ADAM12: variants seen among roughly 807,000 people sequenced by gnomAD.
ADAM12 encodes disintegrin and metalloproteinase domain-containing protein 12.
A neutral mutation model predicts 106.4 loss-of-function variants in ADAM12; 70 were observed. The ratio of observed to expected loss-of-function variants is 0.66; its 90% confidence interval spans 0.54 to 0.80. The LOEUF (loss-of-function observed/expected upper bound fraction) is 0.80, where lower values mean the gene tolerates loss of function less well. ADAM12 is among the 30% of genes least tolerant of loss of function. ADAM12 has a pLI of 0.00. For missense variants in ADAM12, 1,010 were observed against 1,171.9 expected (o/e 0.86, Z 2.02); for synonymous variants, 420 against 433.5 (o/e 0.97, Z 0.39).
chr10:126,142,747 T>C (rs556561899), intron 4 of ADAM12, among the ~76,000 whole-genome samples: 3 of 152,296 alleles, frequency 2.0e-5, no homozygotes, highest in African/African-American at 7.2e-5. Flanking sequence ...GTGTCACTCA[T>C]GGCATCATAA....
chr10:126,070,469 A>G (rs1447234003), intron 12 of ADAM12: 1 of 152,220 alleles, frequency 6.6e-6, no homozygotes, highest in Non-Finnish European at 1.5e-5. Context: ...GAAGATGGGG[A>G]TATGATGAAC....
intron 8 of ADAM12, among the ~76,000 whole-genome samples, chr10:126,103,332 C>G (rs753621473): frequency 6.6e-6 from 1 of 152,148 alleles, no homozygotes; most frequent in East Asian, 1.9e-4. Context: ...GCTGCCTGCT[C>G]TAAAAGTTCT....
At chr10:126,194,176 T>C (rs1206234565) in intron 3 of ADAM12, among the ~76,000 whole-genome samples, 1 of 151,016 alleles carries the variant, frequency 6.6e-6, no homozygotes, top group African/African-American at 2.4e-5. Context: ...TGTAAGTAAA[T>C]GTTAAATCAA....
rs1306746079 is a variant in ADAM12 at position 126,295,063 on chromosome 10, T to A, written c.187-16075A>T. On this transcript the variant is annotated intron_variant, in intron 2 of 22. Coordinates refer to ENST00000448723, the MANE Select transcript of ADAM12 (RefSeq NM_001288973.2). ...TTGCTAATTTTTTACAAATGGAAAA[T>A]CCAGGCTCAGTGGAAAATAAAAGGA... Among the ~76,000 whole-genome samples the A allele has an allele frequency of 2.6e-5, 4 of 152,050 alleles. No homozygotes were observed. The East Asian group carries it at 5.8e-4, about 22-fold the overall frequency.
At chr10:126,026,801 C>T (rs1339011694) in intron 21 of ADAM12, among the ~76,000 whole-genome samples, 1 of 152,030 alleles carries the variant, frequency 6.6e-6, no homozygotes, top group African/African-American at 2.4e-5. Flanking sequence ...ACTAAATGCC[C>T]ACATCAAAAA....
intron 3 of ADAM12, among the ~76,000 whole-genome samples, chr10:126,267,677 T>C (rs1959125910): frequency 6.6e-6 from 1 of 152,140 alleles, no homozygotes; most frequent in African/African-American, 2.4e-5. Flanking sequence ...GAAGCTTCAC[T>C]CACTCATCAG....
chr10:126,089,043 C>T (rs1554967281), intron 11 of ADAM12, among the ~76,000 whole-genome samples: 1 of 152,094 alleles, frequency 6.6e-6, no homozygotes, highest in Non-Finnish European at 1.5e-5. Context: ...ACAACACGAA[C>T]ACGCTGCCCG....
At chr10:126,039,143 T>C (rs1330687679) in intron 19 of ADAM12, 151 bp downstream of exon 19, 2 of 842,946 alleles carry the variant, frequency 2.4e-6, no homozygotes, top group East Asian at 6.8e-5. Flanking sequence ...GTATTTTTAG[T>C]AGAGACGGGG....
chr10:126,143,569 A>G (rs1358931757), intron 4 of ADAM12, among the ~76,000 whole-genome samples: 1 of 114,358 alleles, frequency 8.7e-6, no homozygotes, highest in Admixed American at 8.9e-5. Flanking sequence ...ATGTGGGCAC[A>G]TGTGTATATT....
intron 19 of ADAM12, among the ~76,000 whole-genome samples, chr10:126,038,871 G>T (rs1443052307): frequency 6.7e-6 from 1 of 150,084 alleles, no homozygotes; most frequent in Non-Finnish European, 1.5e-5. Flanking sequence ...CAAGTCCCAG[G>T]TTTATGATCC....
chr10:126,257,220 GAC>G (rs1565172746), intron 3 of ADAM12, among the ~76,000 whole-genome samples: 1 of 152,166 alleles, frequency 6.6e-6, no homozygotes. Context: ...ACCCTCCAAA[GAC>G]AGTACCGGGA....
chr10:126,355,375 A>T (rs972115029), intron 1 of ADAM12, among the ~76,000 whole-genome samples: 3 of 152,256 alleles, frequency 2.0e-5, no homozygotes, highest in Admixed American at 6.5e-5. Flanking sequence ...AGAAGTGGGC[A>T]AAAATAGTGG....
chr10:126,096,986 A>G (rs1955569685), intron 10 of ADAM12, among the ~76,000 whole-genome samples: 1 of 152,170 alleles, frequency 6.6e-6, no homozygotes, highest in Non-Finnish European at 1.5e-5. Flanking sequence ...TTGTATGGAA[A>G]TGGAATAAGG....
At chr10:126,052,362 A>T (rs1398136160) in intron 14 of ADAM12, among the ~76,000 whole-genome samples, 1 of 152,234 alleles carries the variant, frequency 6.6e-6, no homozygotes, top group Non-Finnish European at 1.5e-5. Flanking sequence ...AGCTCCTAGG[A>T]AATGGGTGGG....
intron 3 of ADAM12, among the ~76,000 whole-genome samples, chr10:126,156,535 G>A (rs56024660): frequency 0.13 from 19,626 of 152,170 alleles, 1,342 homozygotes; most frequent in Middle Eastern, 0.22. Context: ...CCTGAGGAGC[G>A]TAATTTCATT....
chr10:126,066,446 T>C lies in ADAM12; in HGVS notation c.1413+271A>G, dbSNP rs1954870601. On this transcript the variant is annotated intron_variant, in intron 13 of 22. Coordinates refer to ENST00000448723, the MANE Select transcript of ADAM12 (RefSeq NM_001288973.2). The surrounding 1 kb of genome is among the most constrained non-coding windows in gnomAD (Gnocchi z 5.1). The stretch of plus-strand genomic sequence containing the variant: ...CCTCTGACGGCACAAATGGAGCATT[T>C]AAAGTTGAACTAGGGTTTATCGGTC... Among the ~76,000 whole-genome samples the C allele has an allele frequency of 1.3e-5, 2 of 152,192 alleles. No individual in the cohort carries two copies. The highest frequency in any genetic ancestry group is 4.8e-5 in the African/African-American group (2 of 41,460).
At chr10:126,083,659 TC>T (rs1304317710) in intron 11 of ADAM12, among the ~76,000 whole-genome samples, 1 of 152,226 alleles carries the variant, frequency 6.6e-6, no homozygotes, top group Non-Finnish European at 1.5e-5. Context: ...CTGGGCCAGA[TC>T]GTGCACACCT....
intron 2 of ADAM12, among the ~76,000 whole-genome samples, chr10:126,317,237 G>A (rs1016135751): frequency 3.3e-5 from 5 of 152,258 alleles, no homozygotes; most frequent in African/African-American, 9.6e-5. Context: ...AGGTGAGGCC[G>A]AGGAACACAG....
At chr10:126,113,444 G>A (rs961105861) in intron 6 of ADAM12, among the ~76,000 whole-genome samples, 11 of 151,182 alleles carry the variant, frequency 7.3e-5, no homozygotes, top group South Asian at 2.1e-4. Flanking sequence ...CGAATCCCTC[G>A]CGGTCAGGAG....
Sources: gnomAD v4.1 joint callset for allele counts (sites outside exome capture counted in the v4.1 genomes callset) on GRCh38, gnomAD v4.1.1 for gene constraint, Gnocchi (gnomAD v3.1) non-coding constraint, MANE v1.5 for transcripts, NCBI Gene and HGNC (gene_info 2026-07-23, HGNC 2026-07-21) for gene names.